NR2F1-AS1: variants seen among roughly 807,000 people sequenced by gnomAD.
NR2F1-AS1 encodes the protein NR2F1 regulatory antisense RNA 1.
chr5:93,496,090 CATT>C (rs1750954369), intron 4 of NR2F1-AS1: 1 of 152,126 alleles, frequency 6.6e-6, no homozygotes, highest in Non-Finnish European at 1.5e-5. Flanking sequence ...CTTCCAATAT[CATT>C]GTTAGAGGTC....
chr5:93,538,457 G>A (rs974805484), intron 4 of NR2F1-AS1, among the ~76,000 whole-genome samples: 16 of 152,034 alleles, frequency 1.1e-4, no homozygotes, highest in African/African-American at 3.6e-4. Context: ...CCTGGGTGAT[G>A]GGAGTGAGAC....
intron 1 of NR2F1-AS1, among the ~76,000 whole-genome samples, chr5:93,576,479 C>T (rs1752898028): frequency 1.3e-5 from 2 of 150,156 alleles, no homozygotes; most frequent in East Asian, 2.0e-4. Context: ...CTCTCCTCAA[C>T]GATGGAGGAC....
At chr5:93,458,668 G>A (rs917244509) in intron 4 of NR2F1-AS1, among the ~76,000 whole-genome samples, 35 of 152,152 alleles carry the variant, frequency 2.3e-4, no homozygotes, top group African/African-American at 8.2e-4. Context: ...TAAGAAAACT[G>A]CCTTTCACTA....
upstream of NR2F1-AS1, among the ~76,000 whole-genome samples, chr5:93,582,782 GTGTA>G (rs1171477496): frequency 1.6e-3 from 241 of 151,678 alleles, 2 homozygotes; most frequent in African/African-American, 5.6e-3. Context: ...GTGTGTGTGT[GTGTA>G]TGTGTGTGTG....
chr5:93,425,518 T>C (rs1749177820), intron 4 of NR2F1-AS1, among the ~76,000 whole-genome samples: 1 of 152,216 alleles, frequency 6.6e-6, no homozygotes, highest in African/African-American at 2.4e-5. Context: ...TGCCAGGAGT[T>C]AGAAGCAGGA....
At chr5:93,466,201 CT>C (rs1750228025) in intron 4 of NR2F1-AS1, among the ~76,000 whole-genome samples, 1 of 152,094 alleles carries the variant, frequency 6.6e-6, no homozygotes, top group African/African-American at 2.4e-5. Flanking sequence ...TCCACCCATT[CT>C]TTTTTCTCAT....
chr5:93,422,643 T>C (rs1749112553), intron 4 of NR2F1-AS1, among the ~76,000 whole-genome samples: 1 of 152,222 alleles, frequency 6.6e-6, no homozygotes, highest in African/African-American at 2.4e-5. Context: ...TATCTTCATA[T>C]TAAAACAAGT....
chr5:93,463,784 G>C (rs1242456441), intron 4 of NR2F1-AS1, among the ~76,000 whole-genome samples: 3 of 152,158 alleles, frequency 2.0e-5, no homozygotes, highest in African/African-American at 7.2e-5. Flanking sequence ...ACTTGCATGT[G>C]GTCTTTAGCC....
At position 93,545,316 on chromosome 5, in the gene NR2F1-AS1, G is replaced by A. The variant is rs145684736; in HGVS notation, n.638+8445C>T. Among the ~76,000 whole-genome samples, 610 of 152,238 alleles carry A rather than the reference G, an allele frequency of 4.0e-3. 3 individuals carry two copies. Among genetic ancestry groups the A allele is most frequent in the Middle Eastern group, 6.8e-3 (2 of 294 alleles). ...CTGACAGAGGTTCTGCTATTTTGTG[G>A]ATACACCATAAAGTACTGGTGACCT... On this transcript the variant is annotated intron_variant and non_coding_transcript_variant, in intron 4 of 5. Coordinates refer to ENST00000660523, the Ensembl canonical transcript of NR2F1-AS1.
intron 4 of NR2F1-AS1, among the ~76,000 whole-genome samples, chr5:93,476,113 C>T (rs1302576205): frequency 6.6e-6 from 1 of 152,028 alleles, no homozygotes; most frequent in Non-Finnish European, 1.5e-5. Flanking sequence ...TGTGTGTCTT[C>T]GACTGATAGA....
upstream of NR2F1-AS1, chr5:93,585,539 C>G (rs954736874): frequency 7.2e-7 from 1 of 1,382,296 alleles, no homozygotes; most frequent in African/African-American, 1.4e-5. Flanking sequence ...CTCCCTGGCT[C>G]TTTCTTTCTT....
chr5:93,521,309 G>A (rs1751497250), intron 4 of NR2F1-AS1, among the ~76,000 whole-genome samples: 1 of 152,070 alleles, frequency 6.6e-6, no homozygotes, highest in African/African-American at 2.4e-5. Flanking sequence ...ATAGGAAAGG[G>A]CAAGGATTTT....
At chr5:93,517,915 A>C (rs1751429958) in intron 4 of NR2F1-AS1, among the ~76,000 whole-genome samples, 1 of 152,074 alleles carries the variant, frequency 6.6e-6, no homozygotes, top group African/African-American at 2.4e-5. Context: ...AACTTGAATA[A>C]GTTTCAACTA....
chr5:93,533,198 C>G (rs896545241), intron 4 of NR2F1-AS1, among the ~76,000 whole-genome samples: 23 of 152,204 alleles, frequency 1.5e-4, no homozygotes, highest in African/African-American at 5.1e-4. Context: ...AATTAATTCT[C>G]ACAAATTATT....
In NR2F1-AS1 at chr5:93,439,297, G is replaced by A. The variant is rs1472145272; in HGVS notation, n.639-43755C>T. Reference sequence around the variant, plus strand: ...TTAGTTCATGGCACCCAATAAAAAGGCTTTTTTCTTTTTTTTGAGACGGAG... The same window carrying A: ...TTAGTTCATGGCACCCAATAAAAAGACTTTTTTCTTTTTTTTGAGACGGAG... On this transcript the variant is annotated intron_variant and non_coding_transcript_variant, in intron 4 of 5. Transcript: ENST00000660523. Among the ~76,000 whole-genome samples, 4 of 152,236 alleles carry A rather than the reference G, an allele frequency of 2.6e-5. No homozygotes were observed. In the East Asian group the frequency reaches 7.8e-4, roughly 30 times the overall value.
At chr5:93,412,030 T>A (rs11951859) in intron 4 of NR2F1-AS1, among the ~76,000 whole-genome samples, 1 of 151,990 alleles carries the variant, frequency 6.6e-6, no homozygotes, top group East Asian at 1.9e-4. Flanking sequence ...GAGGCACACA[T>A]GAAAACTTCA....
intron 2 of NR2F1-AS1, among the ~76,000 whole-genome samples, chr5:93,561,345 T>G (rs1395960413): frequency 6.6e-6 from 1 of 152,246 alleles, no homozygotes; most frequent in African/African-American, 2.4e-5. Context: ...AAGAGATAAC[T>G]ATTCTTAGCA....
intron 4 of NR2F1-AS1, among the ~76,000 whole-genome samples, chr5:93,454,255 C>T (rs1205997919): frequency 6.6e-6 from 1 of 152,108 alleles, no homozygotes; most frequent in Non-Finnish European, 1.5e-5. Flanking sequence ...CACTTCACTC[C>T]ACTCCAGCCT....
intron 1 of NR2F1-AS1, among the ~76,000 whole-genome samples, chr5:93,573,252 T>C (rs1752817661): frequency 6.6e-6 from 1 of 152,212 alleles, no homozygotes; most frequent in Non-Finnish European, 1.5e-5. Flanking sequence ...CCACTTTCTT[T>C]TCCTGCCACT....
Sources: gnomAD v4.1 joint callset for allele counts (sites outside exome capture counted in the v4.1 genomes callset) on GRCh38, gnomAD v4.1.1 for gene constraint, MANE v1.5 for transcripts, NCBI Gene and HGNC (gene_info 2026-07-23, HGNC 2026-07-21) for gene names.